The following TIMM23 variants were observed in gnomAD, a reference collection of about 807,000 sequenced individuals.
TIMM23 encodes the protein mitochondrial import inner membrane translocase subunit Tim23.
Under a neutral mutation model 30.7 loss-of-function variants are expected in TIMM23, and 19 were observed. The observed-to-expected ratio is 0.62, with a 90% CI of 0.43 to 0.91. The LOEUF (loss-of-function observed/expected upper bound fraction) is 0.91. Ranked by LOEUF, TIMM23 falls within the 40% of genes least tolerant of loss-of-function variation. The pLI, the probability that TIMM23 is intolerant of heterozygous loss-of-function variation, is 0.00. For synonymous variants in TIMM23, 78 were observed against 98.5 expected, an observed-to-expected ratio of 0.79 and a Z score of 1.23; for missense variants, 202 against 269.2, an observed-to-expected ratio of 0.75 and a Z score of 1.75.
At chr10:45,984,365 T>C (rs1258871983) in intron 4 of TIMM23, among the ~76,000 whole-genome samples, 3 of 152,154 alleles carry the variant, frequency 2.0e-5, no homozygotes, top group Non-Finnish European at 2.9e-5. Context: ...GACAACTTGC[T>C]TCCTTTCTTA....
intron 6 of TIMM23, among the ~76,000 whole-genome samples, chr10:45,991,041 G>A (rs1454599869): frequency 1.3e-5 from 2 of 152,184 alleles, no homozygotes; most frequent in Admixed American, 1.3e-4. Flanking sequence ...TCTAGTCTGA[G>A]TCCAAAGCCC....
intron 6 of TIMM23, among the ~76,000 whole-genome samples, chr10:45,999,579 A>C (rs587717977): frequency 6.6e-6 from 1 of 152,112 alleles, no homozygotes; most frequent in South Asian, 2.1e-4. Flanking sequence ...GACATCAAGT[A>C]CTTCACAAGG....
chr10:45,975,122 C>A (rs1272090437), intron 1 of TIMM23, among the ~76,000 whole-genome samples: 1 of 152,186 alleles, frequency 6.6e-6, no homozygotes, highest in Non-Finnish European at 1.5e-5. Flanking sequence ...ACATAGTCAC[C>A]AAGCATTCTT....
At chr10:45,989,349 G>A (rs1329204966) in intron 6 of TIMM23, among the ~76,000 whole-genome samples, 1 of 152,080 alleles carries the variant, frequency 6.6e-6, no homozygotes, top group African/African-American at 2.4e-5. Context: ...TTCTGTGTAT[G>A]TATACCACAT....
chr10:46,001,504 C>T, intron 6 of TIMM23, among the ~76,000 whole-genome samples: 1 of 152,106 alleles, frequency 6.6e-6, no homozygotes, highest in East Asian at 1.9e-4. Context: ...GGGAGTGGCC[C>T]TTTAATCCAT....
At chr10:45,973,067 A>T (rs1554912170) in intron 1 of TIMM23, among the ~76,000 whole-genome samples, 1 of 152,108 alleles carries the variant, frequency 6.6e-6, no homozygotes, top group Non-Finnish European at 1.5e-5. Flanking sequence ...TTTGGGAGTA[A>T]ATGTATTCCA....
intron 2 of TIMM23, among the ~76,000 whole-genome samples, chr10:45,979,193 T>G (rs1837765204): frequency 1.3e-5 from 2 of 152,206 alleles, no homozygotes; most frequent in South Asian, 2.1e-4. Context: ...GCTTTAAAAT[T>G]TATTGTAGTC....
At chr10:45,998,625 G>A (rs1838418000) in intron 6 of TIMM23, among the ~76,000 whole-genome samples, 1 of 152,166 alleles carries the variant, frequency 6.6e-6, no homozygotes, top group Non-Finnish European at 1.5e-5. Context: ...TGGCTGGTAT[G>A]TGGTAAAAGG....
At chr10:45,980,013 C>A (rs1298320322) in intron 2 of TIMM23, among the ~76,000 whole-genome samples, 4 of 151,562 alleles carry the variant, frequency 2.6e-5, no homozygotes, top group Non-Finnish European at 5.9e-5. Context: ...CATATCCCCC[C>A]AAAAACTTGT....
At chr10:45,997,012 C>G (rs1838360096) in intron 6 of TIMM23, among the ~76,000 whole-genome samples, 1 of 148,136 alleles carries the variant, frequency 6.8e-6, no homozygotes. Flanking sequence ...CCAAGGCAGG[C>G]AAATGGGCAG....
chr10:45,994,973 T>C (rs1307084754), intron 6 of TIMM23, among the ~76,000 whole-genome samples: 5 of 152,040 alleles, frequency 3.3e-5, no homozygotes, highest in Non-Finnish European at 7.4e-5. Context: ...TAACCAGAAA[T>C]TAATAAGACA....
chr10:46,001,571 G>GT (rs1838538757), intron 6 of TIMM23, among the ~76,000 whole-genome samples: 1 of 152,064 alleles, frequency 6.6e-6, no homozygotes, highest in Admixed American at 6.5e-5. Context: ...CTGAAATGTT[G>GT]TAACTCAGCA....
At chr10:46,002,770 A>C (rs1325639546) in intron 6 of TIMM23, among the ~76,000 whole-genome samples, 1 of 150,406 alleles carries the variant, frequency 6.6e-6, no homozygotes, top group African/African-American at 2.4e-5. Flanking sequence ...TTGAGATGGA[A>C]TATTGATTTA....
Position 46,003,387 on chromosome 10 carries a change from A to G in TIMM23, c.*69A>G. 9.2e-7 allele frequency: 1 copy of G among 1,091,634 alleles called. No individual in the cohort carries two copies. 67.6% of individuals were successfully genotyped at this position (1,091,634 alleles called of 1,614,324 possible). On this transcript the variant is annotated 3_prime_UTR_variant, in exon 7 of 7. Coordinates refer to ENST00000580018, the MANE Select transcript of TIMM23 (RefSeq NM_006327.4). ...TAGATCCTTTTATAAGACAGTTTGG[A>G]GTTATTCTCTCTCTTCTACCTACAA... is the stretch of plus-strand genomic sequence containing the variant.
chr10:45,972,988 A>G (rs1327033242), intron 1 of TIMM23, among the ~76,000 whole-genome samples: 1 of 152,072 alleles, frequency 6.6e-6, no homozygotes, highest in Non-Finnish European at 1.5e-5. Context: ...TTAGGTTTAT[A>G]TCCAAGCCTC....
At chr10:45,983,150 C>T (rs1837894122) in intron 4 of TIMM23, among the ~76,000 whole-genome samples, 1 of 152,272 alleles carries the variant, frequency 6.6e-6, no homozygotes, top group African/African-American at 2.4e-5. Context: ...GTCCCTCAGT[C>T]AGCTAGTGCT....
rs4439466 is a variant in TIMM23, at chr10:45,972,999, C to G, written c.106+269C>G. Reference sequence around the variant, plus strand: ...TTTCTTAGGTTTATATCCAAGCCTCCTACGTTTTGTGTGTGGTGGGCCGTG... The same window carrying G: ...TTTCTTAGGTTTATATCCAAGCCTCGTACGTTTTGTGTGTGGTGGGCCGTG... On this transcript the variant is annotated intron_variant, in intron 1 of 6. Transcript: ENST00000580018. Among the ~76,000 whole-genome samples the G allele has an allele frequency of 1.9e-4, 29 of 152,240 alleles. No individual in the cohort carries two copies. The East Asian group carries it at 4.6e-3, about 24-fold the overall frequency.
chr10:45,999,623 C>CGG (rs1345804067), intron 6 of TIMM23, among the ~76,000 whole-genome samples: 3 of 152,010 alleles, frequency 2.0e-5, no homozygotes, highest in Non-Finnish European at 2.9e-5. Flanking sequence ...GGAGGCAGGG[C>CGG]GAGATCATAG....
At chr10:45,994,017 G>A (rs1838252122) in intron 6 of TIMM23, among the ~76,000 whole-genome samples, 2 of 152,098 alleles carry the variant, frequency 1.3e-5, no homozygotes, top group African/African-American at 4.8e-5. Context: ...AAATGATGAA[G>A]TAATGAAACA....
Sources: gnomAD v4.1 joint callset for allele counts (sites outside exome capture counted in the v4.1 genomes callset) on GRCh38, gnomAD v4.1.1 for gene constraint, MANE v1.5 for transcripts, NCBI Gene and HGNC (gene_info 2026-07-23, HGNC 2026-07-21) for gene names.